Variants in SMAD6 observed in about 807,000 individuals in gnomAD.
SMAD6 encodes the protein MAD homolog 6.
SMAD6 carries 103 observed loss-of-function variants against 39.4 expected under a neutral mutation model. The ratio of observed to expected loss-of-function variants is 2.62; its 90% CI spans 2.23 to 3.08. The LOEUF (loss-of-function observed/expected upper bound fraction) is 3.08. Among genes scored for constraint, SMAD6 ranks in the 30% most tolerant of loss-of-function variants. The probability of loss-of-function intolerance (pLI) is 0.00; values close to 1 mark genes in which losing one functional copy is unlikely to be tolerated. For synonymous variants in SMAD6, 445 were observed against 353.3 expected (o/e 1.26, Z -2.91); for missense variants, 1,104 against 742.9 (o/e 1.49, Z -5.65).
intron 1 of SMAD6, among the ~76,000 whole-genome samples, chr15:66,710,049 G>A (rs998623635): frequency 6.6e-6 from 1 of 152,216 alleles, no homozygotes. Context: ...GTAAGACAGG[G>A]CATCTCTTGA....
chr15:66,778,448 T>G (rs1047559487), intron 3 of SMAD6, among the ~76,000 whole-genome samples: 1 of 151,886 alleles, frequency 6.6e-6, no homozygotes, highest in Non-Finnish European at 1.5e-5. Context: ...TTTCCATGGG[T>G]GGGGCAGAGC....
At chr15:66,712,705 A>AG (rs1313375662) in intron 2 of SMAD6, among the ~76,000 whole-genome samples, 1 of 150,940 alleles carries the variant, frequency 6.6e-6, no homozygotes, top group African/African-American at 2.5e-5. Flanking sequence ...AAAAAAAAAA[A>AG]AAAAAAGAGT....
At chr15:66,766,042 A>G (rs969947337) in intron 3 of SMAD6, among the ~76,000 whole-genome samples, 5 of 152,222 alleles carry the variant, frequency 3.3e-5, no homozygotes, top group African/African-American at 9.6e-5. Flanking sequence ...CAGTGGGGGA[A>G]GGAAAAGTTT....
chr15:66,756,678 T>C (rs1300860458), intron 3 of SMAD6, among the ~76,000 whole-genome samples: 1 of 2,206 alleles, frequency 4.5e-4, no homozygotes, highest in Non-Finnish European at 8.5e-4. Flanking sequence ...CAGTGGAGAT[T>C]GGGGCCAGAA....
intron 2 of SMAD6, among the ~76,000 whole-genome samples, chr15:66,713,600 G>C (rs1161424351): frequency 6.6e-6 from 1 of 152,226 alleles, no homozygotes; most frequent in East Asian, 1.9e-4. Context: ...TTACAGGCGT[G>C]AGCCACTGCG....
At chr15:66,717,223 T>C (rs1387774870) in intron 3 of SMAD6, 1 of 983,754 alleles carries the variant, frequency 1.0e-6, no homozygotes, top group Non-Finnish European at 1.4e-6. Context: ...CATGGTGGCC[T>C]GGTGGCATGC....
intron 3 of SMAD6, among the ~76,000 whole-genome samples, chr15:66,778,036 G>A (rs77215308): frequency 9.9e-5 from 15 of 151,902 alleles, no homozygotes; most frequent in African/African-American, 3.6e-4. Context: ...AGAGGAGGGG[G>A]ATAGGAAGTC....
chr15:66,763,446 C>G (rs1038396700), intron 3 of SMAD6, among the ~76,000 whole-genome samples: 2 of 152,228 alleles, frequency 1.3e-5, no homozygotes, highest in African/African-American at 4.8e-5. Flanking sequence ...AGTGCCGCCT[C>G]CCCGACTTGG....
chr15:66,753,672 C>T (rs1019289076), intron 3 of SMAD6, among the ~76,000 whole-genome samples: 1 of 152,232 alleles, frequency 6.6e-6, no homozygotes, highest in African/African-American at 2.4e-5. Flanking sequence ...AATACTTGCT[C>T]CCCACCTTGC....
intron 3 of SMAD6, among the ~76,000 whole-genome samples, chr15:66,772,498 C>A (rs781070677): frequency 5.9e-5 from 9 of 152,102 alleles, no homozygotes; most frequent in Admixed American, 4.6e-4. Context: ...AATATGAATA[C>A]CCTTATGAAC....
intron 3 of SMAD6, among the ~76,000 whole-genome samples, chr15:66,773,876 G>A (rs1427133368): frequency 6.6e-6 from 1 of 152,180 alleles, no homozygotes; most frequent in African/African-American, 2.4e-5. Context: ...GTCTGGGCCT[G>A]TCTGCCCTTG....
chr15:66,703,491 A>AG lies in SMAD6; in HGVS notation c.236dup (p.Ala80ArgfsTer41). 1 of 1,232,654 alleles carries AG rather than the reference A, an allele frequency of 8.1e-7. No homozygotes were observed. Among genetic ancestry groups the AG allele is most frequent in the Non-Finnish European group, 1.0e-6 (1 of 983,988 alleles). The allele number at this position is 1,232,654 out of a possible 1,614,324, so 76.4% of individuals were successfully genotyped here. A position where few individuals can be genotyped will look rare whatever the true frequency, so the allele number is the denominator to read the frequency against. ...GACGCAGTGGGACAGCGAGGCGCCC[A>AG]GGGCGCGGGGAGGCGCCGGCGCGCA... On this transcript the variant is annotated frameshift_variant, in exon 1 of 4. Transcript: ENST00000288840. LOFTEE classifies it high-confidence loss of function.
Position 66,781,581 on chromosome 15 carries a change from C to T in SMAD6, c.*46C>T, listed in dbSNP as rs1017608005. 9 of 1,417,158 alleles carry T rather than the reference C, an allele frequency of 6.4e-6. No homozygotes were observed. Among genetic ancestry groups the T allele is most frequent in the Middle Eastern group, 1.9e-4 (1 of 5,402 alleles). The allele number at this position is 1,417,158 out of a possible 1,614,324, so 87.8% of individuals were successfully genotyped here. A position where few individuals can be genotyped will look rare whatever the true frequency, so the allele number is the denominator to read the frequency against. Reference sequence around the variant, plus strand: ...GCGGGTGGGAGGCCGCGGCCACCGCCACCTGCCGGCCTCGAGAGGGGCCGA... The same window carrying T: ...GCGGGTGGGAGGCCGCGGCCACCGCTACCTGCCGGCCTCGAGAGGGGCCGA... On this transcript the variant is annotated 3_prime_UTR_variant, in exon 4 of 4. Coordinates refer to ENST00000288840, the MANE Select transcript of SMAD6 (RefSeq NM_005585.5).
At chr15:66,775,267 T>C (rs916014533) in intron 3 of SMAD6, among the ~76,000 whole-genome samples, 1 of 152,200 alleles carries the variant, frequency 6.6e-6, no homozygotes, top group African/African-American at 2.4e-5. Context: ...CTCAATGGGA[T>C]GCCCTTCAGA....
In SMAD6 at chr15:66,781,438, G is replaced by A. The variant is rs1595805390; in HGVS notation, c.1394G>A (p.Arg465His). ...ADGPYDPNSVRISFAKGWGPC... is the reference protein window; with the variant it reads ...ADGPYDPNSVHISFAKGWGPC... ...GGCCCCTACGACCCCAACAGCGTCCGCATCAGCTTCGCCAAGGGCTGGGGG... is the reference window on the plus strand; with the variant it reads ...GGCCCCTACGACCCCAACAGCGTCCACATCAGCTTCGCCAAGGGCTGGGGG... The change falls in exon 4 of 4, where the codon CGC becomes CAC. Residue 465 changes from arginine to histidine, a missense_variant. Transcript: ENST00000288840. The A allele has an allele frequency of 6.2e-7, 1 of 1,605,160 alleles. No individual in the cohort carries two copies. The highest frequency in any genetic ancestry group is 1.1e-5 in the South Asian group (1 of 90,956).
Position 66,747,901 on chromosome 15 carries a change from G to A in SMAD6, c.952+31403G>A, listed in dbSNP as rs1271323859. On this transcript the variant is annotated intron_variant, in intron 3 of 3. Coordinates refer to ENST00000288840, the MANE Select transcript of SMAD6 (RefSeq NM_005585.5). The surrounding 1 kb of genome is among the most constrained non-coding windows in gnomAD (Gnocchi z 4.5). Reference sequence around the variant, plus strand: ...CTCACCCCTGCAGAGATGGCCTAAAGTCTTCCCTGAGAGCCCTTTGCACCC... The same window carrying A: ...CTCACCCCTGCAGAGATGGCCTAAAATCTTCCCTGAGAGCCCTTTGCACCC... Among the ~76,000 whole-genome samples the A allele has an allele frequency of 1.3e-5, 2 of 152,090 alleles. No homozygotes were observed. Among genetic ancestry groups the A allele is most frequent in the Admixed American group, 1.3e-4 (2 of 15,276 alleles).
chr15:66,735,623 C>T (rs1893699818), intron 3 of SMAD6, among the ~76,000 whole-genome samples: 1 of 152,112 alleles, frequency 6.6e-6, no homozygotes, highest in African/African-American at 2.4e-5. Flanking sequence ...ATGAGGGGAG[C>T]ATGATGGGGC....
chr15:66,724,211 G>A (rs779600755), intron 3 of SMAD6, among the ~76,000 whole-genome samples: 2 of 152,138 alleles, frequency 1.3e-5, no homozygotes, highest in Non-Finnish European at 2.9e-5. Context: ...AGGGAACCCT[G>A]GGATATACTT....
At chr15:66,706,907 G>A (rs1439322551) in intron 1 of SMAD6, 4 of 152,248 alleles carry the variant, frequency 2.6e-5, no homozygotes, top group African/African-American at 4.8e-5. Context: ...TAAAGTAAAG[G>A]GTTGGAGGGA....
Sources: gnomAD v4.1 joint callset for allele counts (sites outside exome capture counted in the v4.1 genomes callset) on GRCh38, gnomAD v4.1.1 for gene constraint, Gnocchi (gnomAD v3.1) non-coding constraint, MANE v1.5 for transcripts, NCBI Gene and HGNC (gene_info 2026-07-23, HGNC 2026-07-21) for gene names.